GPC5: variants seen among roughly 807,000 people sequenced by gnomAD.
The protein encoded by GPC5 is glypican-5.
Under a neutral mutation model 53.9 loss-of-function variants are expected in GPC5, and 47 were observed. That is an observed-to-expected ratio of 0.87 (90% CI 0.69 to 1.11). GPC5 has a LOEUF of 1.11. Among genes scored for constraint, GPC5 ranks in the 50% most tolerant of loss-of-function variants. The pLI, the probability that GPC5 is intolerant of heterozygous loss-of-function variation, is 0.00. For missense variants in GPC5, 748 were observed against 713.1 expected, an observed-to-expected ratio of 1.05 and a Z score of -0.56; for synonymous variants, 286 against 263.3, an observed-to-expected ratio of 1.09 and a Z score of -0.84.
In GPC5 at chr13:91,565,901, C is replaced by T. The variant is rs377109941; in HGVS notation, c.325+116979C>T. On this transcript the variant is annotated intron_variant, in intron 2 of 7. Coordinates refer to ENST00000377067, the MANE Select transcript of GPC5 (RefSeq NM_004466.6). ...ATTCCATGTTTCTCTTCAAGCTCTT[C>T]GTGGCTGGTGGCACTTTTTGGTGTT... Among the ~76,000 whole-genome samples the T allele has an allele frequency of 1.6e-4, 24 of 152,260 alleles. No homozygotes were observed. The East Asian group carries it at 2.9e-3, about 18-fold the overall frequency.
rs538269203 is a variant in GPC5, at chr13:91,465,345, G to A, written c.325+16423G>A. Among the ~76,000 whole-genome samples, 13 of 152,170 alleles carry A rather than the reference G, an allele frequency of 8.5e-5. No individual in the cohort carries two copies. In the East Asian group the frequency reaches 1.5e-3, roughly 18 times the overall value. The stretch of plus-strand genomic sequence containing the variant: ...AATTAGAGAATATTTTCCTCACCCC[G>A]AATAGTTACCCTAGATCTTTGTCTC... On this transcript the variant is annotated intron_variant, in intron 2 of 7. Coordinates refer to ENST00000377067, the MANE Select transcript of GPC5 (RefSeq NM_004466.6).
chr13:92,673,574 G>C (rs530948933), intron 7 of GPC5, among the ~76,000 whole-genome samples: 1 of 152,182 alleles, frequency 6.6e-6, no homozygotes, highest in Admixed American at 6.5e-5. Context: ...AAATGAATTA[G>C]TCTTAATTGT....
At chr13:92,554,942 T>TG (rs1029625583) in intron 7 of GPC5, among the ~76,000 whole-genome samples, 8 of 148,606 alleles carry the variant, frequency 5.4e-5, no homozygotes, top group Non-Finnish European at 1.2e-4. Flanking sequence ...TTTGAGTTTG[T>TG]TTTTTTTTTA....
chr13:91,844,783 T>C (rs2038829408), intron 5 of GPC5, among the ~76,000 whole-genome samples: 2 of 152,118 alleles, frequency 1.3e-5, no homozygotes, highest in Non-Finnish European at 2.9e-5. Flanking sequence ...TGGAGTGCAG[T>C]GGTGCTATCT....
At chr13:91,984,986 A>G (rs1284729819) in intron 6 of GPC5, among the ~76,000 whole-genome samples, 1 of 152,232 alleles carries the variant, frequency 6.6e-6, no homozygotes, top group Non-Finnish European at 1.5e-5. Flanking sequence ...AATTAAGCCA[A>G]ATTGGCAAAT....
intron 7 of GPC5, among the ~76,000 whole-genome samples, chr13:92,431,616 G>A (rs900640528): frequency 1.3e-5 from 2 of 152,088 alleles, no homozygotes; most frequent in African/African-American, 4.8e-5. Flanking sequence ...GATTGTCTGA[G>A]CAAAGACTAC....
At chr13:92,348,549 C>A (rs544671893) in intron 7 of GPC5, among the ~76,000 whole-genome samples, 1 of 151,932 alleles carries the variant, frequency 6.6e-6, no homozygotes, top group African/African-American at 2.4e-5. Flanking sequence ...AAGAAAACAT[C>A]GACATGAACA....
chr13:92,376,207 C>T (rs1389887458), intron 7 of GPC5, among the ~76,000 whole-genome samples: 1 of 152,130 alleles, frequency 6.6e-6, no homozygotes, highest in Non-Finnish European at 1.5e-5. Flanking sequence ...GAATCTGGGG[C>T]TAAACTTTGA....
chr13:92,831,634 C>G (rs1370591846), intron 7 of GPC5, among the ~76,000 whole-genome samples: 1 of 152,100 alleles, frequency 6.6e-6, no homozygotes, highest in East Asian at 1.9e-4. Flanking sequence ...AAAGCATTAG[C>G]TCAAGCAAAT....
intron 7 of GPC5, among the ~76,000 whole-genome samples, chr13:92,819,458 G>C (rs1020609774): frequency 6.6e-6 from 1 of 152,148 alleles, no homozygotes; most frequent in Non-Finnish European, 1.5e-5. Context: ...AAATGAAGCT[G>C]TTTGCTAACT....
intron 7 of GPC5, among the ~76,000 whole-genome samples, chr13:92,265,967 A>G (rs1378150876): frequency 1.3e-5 from 2 of 152,220 alleles, no homozygotes; most frequent in Non-Finnish European, 2.9e-5. Flanking sequence ...TGAAAGAGAA[A>G]GCAAGAGGGG....
intron 3 of GPC5, among the ~76,000 whole-genome samples, chr13:91,715,065 A>G (rs1028560386): frequency 6.6e-6 from 1 of 152,198 alleles, no homozygotes; most frequent in Non-Finnish European, 1.5e-5. Flanking sequence ...TTTATGCAGA[A>G]ATTTCTAGGA....
chr13:92,535,554 G>C (rs1255325334), intron 7 of GPC5, among the ~76,000 whole-genome samples: 6 of 151,940 alleles, frequency 3.9e-5, no homozygotes, highest in African/African-American at 1.5e-4. Flanking sequence ...TGATTTGGTG[G>C]GTTTCTGTTC....
chr13:92,555,871 T>C (rs9523714), intron 7 of GPC5, among the ~76,000 whole-genome samples: 40,134 of 150,886 alleles, frequency 0.27, 5,582 homozygotes, highest in African/African-American at 0.3. Flanking sequence ...TAGAGTAATA[T>C]ATTAGAGTGC....
In GPC5 at chr13:91,600,305, C is replaced by CAG. The variant is rs67108031; in HGVS notation, c.326-92839_326-92838dup. ...TTTATCATGGTAATCGTTCATTTTA[C>CAG]AGAGAGAGAGAGAGAGAGAGAGAGA... On this transcript the variant is annotated intron_variant, in intron 2 of 7. Coordinates refer to ENST00000377067, the MANE Select transcript of GPC5 (RefSeq NM_004466.6). Among the ~76,000 whole-genome samples the CAG allele has an allele frequency of 1.6e-3, 232 of 146,610 alleles. 2 individuals are homozygous for CAG. The highest frequency in any genetic ancestry group is 5.7e-3 in the African/African-American group (222 of 38,910).
chr13:92,740,960 G>A (rs5805762), intron 7 of GPC5, among the ~76,000 whole-genome samples: 23 of 117,712 alleles, frequency 2.0e-4, no homozygotes, highest in African/African-American at 5.9e-4. Context: ...ATATGTATGT[G>A]TATATATATA....
At chr13:92,089,433 C>CA (rs535334082) in intron 6 of GPC5, among the ~76,000 whole-genome samples, 2 of 152,068 alleles carry the variant, frequency 1.3e-5, no homozygotes, top group East Asian at 1.9e-4. Context: ...GACTCTCTCT[C>CA]AAAAAAATAA....
chr13:91,510,607 G>C (rs1462130283), intron 2 of GPC5, among the ~76,000 whole-genome samples: 1 of 151,808 alleles, frequency 6.6e-6, no homozygotes, highest in Non-Finnish European at 1.5e-5. Flanking sequence ...ATTTTAATTT[G>C]TCTTTGGGAA....
intron 7 of GPC5, among the ~76,000 whole-genome samples, chr13:92,364,358 C>A (rs939342002): frequency 5.3e-5 from 8 of 151,798 alleles, no homozygotes; most frequent in African/African-American, 1.9e-4. Context: ...TTCTAATTTT[C>A]ATAAGTCATA....
Sources: allele counts gnomAD v4.1 joint callset (sites outside exome capture counted in the v4.1 genomes callset), GRCh38; gene constraint gnomAD v4.1.1; transcripts MANE v1.5; gene names NCBI Gene and HGNC (gene_info 2026-07-23, HGNC 2026-07-21).